RAB3IP: variants seen among roughly 807,000 people sequenced by gnomAD.
RAB3IP encodes the protein rab-3A-interacting protein.
RAB3IP carries 36 observed loss-of-function variants against 59.1 expected under a neutral mutation model. The observed-to-expected ratio is 0.61, with a 90% confidence interval of 0.47 to 0.80. RAB3IP has a LOEUF of 0.80. RAB3IP is among the 30% of genes least tolerant of loss of function. RAB3IP has a pLI of 0.00. For missense variants in RAB3IP, 511 were observed against 536.0 expected, an observed-to-expected ratio of 0.95 and a Z score of 0.46; for synonymous variants, 207 against 191.2, an observed-to-expected ratio of 1.08 and a Z score of -0.68.
intron 3 of RAB3IP, among the ~76,000 whole-genome samples, chr12:69,780,564 T>C (rs1167441703): frequency 6.6e-6 from 1 of 152,170 alleles, no homozygotes; most frequent in Non-Finnish European, 1.5e-5. Flanking sequence ...AGGACCTGCT[T>C]TGGGACAAAG....
intron 1 of RAB3IP, among the ~76,000 whole-genome samples, chr12:69,752,266 GT>G (rs975018763): frequency 6.6e-6 from 1 of 150,738 alleles, no homozygotes; most frequent in Non-Finnish European, 1.5e-5. Flanking sequence ...TGTGTGTCAA[GT>G]TTTTGGGATT....
At chr12:69,782,869 T>G (rs1280373237) in intron 3 of RAB3IP, among the ~76,000 whole-genome samples, 3 of 152,134 alleles carry the variant, frequency 2.0e-5, no homozygotes, top group Non-Finnish European at 4.4e-5. Flanking sequence ...GGCAAGCTCA[T>G]AGGAGAGAGA....
chr12:69,814,216 TAAG>T (rs951875916), intron 10 of RAB3IP, among the ~76,000 whole-genome samples: 6 of 152,270 alleles, frequency 3.9e-5, no homozygotes, highest in Non-Finnish European at 7.4e-5. Context: ...TTTGTTTAAA[TAAG>T]AAGCTTGGAA....
intron 4 of RAB3IP, among the ~76,000 whole-genome samples, chr12:69,793,294 A>T (rs11829832): frequency 0.012 from 1,878 of 152,296 alleles, 42 homozygotes; most frequent in African/African-American, 0.04. Context: ...ATTCATGGGC[A>T]CACACAAACT....
intron 8 of RAB3IP, chr12:69,812,120 T>C (rs957420010): frequency 3.9e-5 from 6 of 152,274 alleles, no homozygotes; most frequent in African/African-American, 7.2e-5. Context: ...CATTTAAAGA[T>C]GAATCAAAGT....
At chr12:69,812,640 C>G (rs980766219) in intron 8 of RAB3IP, 138 bp from the exon 9 acceptor site, 1 of 625,258 alleles carries the variant, frequency 1.6e-6, no homozygotes, top group Non-Finnish European at 2.9e-6. Context: ...TCACTTTAGC[C>G]CAGCATCTAG....
intron 8 of RAB3IP, among the ~76,000 whole-genome samples, chr12:69,806,132 T>G (rs992104729): frequency 6.6e-6 from 1 of 152,178 alleles, no homozygotes; most frequent in Non-Finnish European, 1.5e-5. Context: ...GGTCTGGACT[T>G]TTTTTGGTTG....
At chr12:69,765,402 G>T (rs1872032057) in intron 3 of RAB3IP, among the ~76,000 whole-genome samples, 3 of 152,062 alleles carry the variant, frequency 2.0e-5, no homozygotes, top group African/African-American at 2.4e-5. Context: ...TGATCGTATG[G>T]CTTTTGTTTT....
At chr12:69,796,990 T>C (rs1877532230) in intron 6 of RAB3IP, among the ~76,000 whole-genome samples, 2 of 152,196 alleles carry the variant, frequency 1.3e-5, no homozygotes, top group Non-Finnish European at 2.9e-5. Flanking sequence ...GTACGTGTTA[T>C]AGTCTGATGT....
In RAB3IP at chr12:69,812,820, A is replaced by C; in HGVS notation, c.1173A>C (p.Arg391Ser). ...GCCAGAGTAAGTCCTGTAAACACAGAATTAAATTAGGGGACTCAAGCAACT... is the reference window on the plus strand; with the variant it reads ...GCCAGAGTAAGTCCTGTAAACACAGCATTAAATTAGGGGACTCAAGCAACT... ...LTGQSKSCKHRIKLGDSSNYY... is the reference protein window; with the variant it reads ...LTGQSKSCKHSIKLGDSSNYY... The change falls in exon 9 of 11, where the codon AGA becomes AGC. Residue 391 changes from arginine to serine, a missense_variant. Physicochemically the swap from Arg to Ser is moderately radical, Grantham distance 110. Coordinates refer to ENST00000247833, the MANE Select transcript of RAB3IP (RefSeq NM_022456.5). The C allele has an allele frequency of 6.2e-7, 1 of 1,613,360 alleles. No homozygotes were observed. The highest frequency in any genetic ancestry group is 8.5e-7 in the Non-Finnish European group (1 of 1,179,310).
chr12:69,747,106 G>A (rs1868426741), intron 1 of RAB3IP, among the ~76,000 whole-genome samples: 1 of 152,068 alleles, frequency 6.6e-6, no homozygotes, highest in Non-Finnish European at 1.5e-5. Flanking sequence ...ATTGCTTTTT[G>A]TTCTTAGTGA....
chr12:69,738,910 C>T lies in RAB3IP; in HGVS notation c.-147C>T, dbSNP rs1291546526. ...GCGGCTGCCGGCGTAGTGAGCCCGC[C>T]GCCGTGGAGTGTAGCGGAAAGGGCT... On this transcript the variant is annotated 5_prime_UTR_variant, in exon 1 of 11. Transcript: ENST00000247833. 14 of 152,054 alleles carry T rather than the reference C, an allele frequency of 9.2e-5. No individual in the cohort carries two copies. Among genetic ancestry groups the T allele is most frequent in the Admixed American group, 7.9e-4 (12 of 15,266 alleles). 9.4% of individuals were successfully genotyped at this position (152,054 alleles called of 1,614,324 possible).
chr12:69,809,343 T>C lies in RAB3IP; in HGVS notation c.1131-3435T>C, dbSNP rs867097070. On this transcript the variant is annotated intron_variant, in intron 8 of 10. Transcript: ENST00000247833. Reference sequence around the variant, plus strand: ...TGGCTGCCCTTAACATTTTTTCCTTTATTTCAACTTTGGTGAATCTGACAA... The same window carrying C: ...TGGCTGCCCTTAACATTTTTTCCTTCATTTCAACTTTGGTGAATCTGACAA... 6.7e-3 allele frequency among the ~76,000 whole-genome samples: 1,014 copies of C among 152,240 alleles called. 18 individuals are homozygous for C. The highest frequency in any genetic ancestry group is 0.02 in the African/African-American group (819 of 41,524).
chr12:69,794,509 G>GGAAAAGT lies in RAB3IP; in HGVS notation c.682_684+4dup. ...AGAAAAACAGCTAAAAGAAGCACAA[G>GGAAAAGT]GAAAAGTGAGTTTTTGCAGCTCTTA... On this transcript the variant is annotated frameshift_variant, in exon 5 of 11. Transcript: ENST00000247833. LOFTEE classifies it high-confidence loss of function. The GGAAAAGT allele has an allele frequency of 6.2e-7, 1 of 1,611,188 alleles. No homozygotes were observed. The highest frequency in any genetic ancestry group is 8.5e-7 in the Non-Finnish European group (1 of 1,178,380).
At chr12:69,738,576 GCGAAACAGAGCGCGGGCCCGA>G (rs3840778), upstream of RAB3IP, 41,503 of 151,460 alleles carry the variant, frequency 0.27, 6,467 homozygotes, top group Non-Finnish European at 0.35. Flanking sequence ...CTCGGGCCCG[GCGAAACAGAGCGCGGGCCCGA>G]CGAAACAGAG....
intron 3 of RAB3IP, 57 bp downstream of exon 3, chr12:69,756,720 C>T: frequency 6.3e-6 from 9 of 1,437,950 alleles, no homozygotes; most frequent in Non-Finnish European, 8.5e-6. Context: ...AGTATTTCTC[C>T]ATGGGGTGGG....
At position 69,794,508 on chromosome 12, in the gene RAB3IP, A is replaced by G; in HGVS notation, c.678A>G (p.Gln226=). Residue 226 remains glutamine (Q), a synonymous_variant, in exon 5 of 11, where the codon CAA becomes CAG. Transcript: ENST00000247833. ...ATAEKQLKEA[Q]GKIDVLQAEV... is the part of the protein sequence containing the mutation. Reference sequence around the variant, plus strand: ...CAGAAAAACAGCTAAAAGAAGCACAAGGAAAAGTGAGTTTTTGCAGCTCTT... The same window carrying G: ...CAGAAAAACAGCTAAAAGAAGCACAGGGAAAAGTGAGTTTTTGCAGCTCTT... 6.2e-7 allele frequency: 1 copy of G among 1,611,940 alleles called. No individual in the cohort carries two copies. The highest frequency in any genetic ancestry group is 8.5e-7 in the Non-Finnish European group (1 of 1,178,770).
At chr12:69,792,790 T>C (rs1876846616) in intron 4 of RAB3IP, among the ~76,000 whole-genome samples, 1 of 151,448 alleles carries the variant, frequency 6.6e-6, no homozygotes, top group Non-Finnish European at 1.5e-5. Flanking sequence ...CACATTACTC[T>C]AAGTTTACTT....
intron 2 of RAB3IP, 79 bp downstream of exon 2, chr12:69,755,738 A>G (rs76006484): frequency 0.043 from 53,134 of 1,226,152 alleles, 1,352 homozygotes; most frequent in Middle Eastern, 0.049. Context: ...AAGTTTTACT[A>G]TTTTTAGAAA....
Sources: allele counts gnomAD v4.1 joint callset (sites outside exome capture counted in the v4.1 genomes callset), GRCh38; gene constraint gnomAD v4.1.1; transcripts MANE v1.5; gene names NCBI Gene and HGNC (gene_info 2026-07-23, HGNC 2026-07-21).